LARS2: variants seen among roughly 807,000 people sequenced by gnomAD.
LARS2 encodes the protein leucine--tRNA ligase, mitochondrial.
LARS2 carries 81 observed loss-of-function variants against 116.6 expected under a neutral mutation model. The ratio of observed to expected loss-of-function variants is 0.69; its 90% CI spans 0.58 to 0.84. The LOEUF is 0.84. LARS2 is among the 40% of genes least tolerant of loss of function. LARS2 has a pLI of 0.00. For missense variants in LARS2, 968 were observed against 1,114.5 expected, an observed-to-expected ratio of 0.87 and a Z score of 1.87; for synonymous variants, 396 against 407.2, an observed-to-expected ratio of 0.97 and a Z score of 0.33.
At chr3:45,510,257 A>G (rs1420644222) in intron 15 of LARS2, among the ~76,000 whole-genome samples, 1 of 152,032 alleles carries the variant, frequency 6.6e-6, no homozygotes, top group African/African-American at 2.4e-5. Flanking sequence ...TACCAAAAAT[A>G]CAAAAAATTA....
At chr3:45,481,765 A>G (rs1699707107) in intron 10 of LARS2, among the ~76,000 whole-genome samples, 1 of 152,062 alleles carries the variant, frequency 6.6e-6, no homozygotes, top group African/African-American at 2.4e-5. Flanking sequence ...GTCTCTTATC[A>G]GATACGTAAT....
chr3:45,528,044 G>A (rs1297317060), intron 20 of LARS2, among the ~76,000 whole-genome samples: 1 of 152,174 alleles, frequency 6.6e-6, no homozygotes, highest in East Asian at 1.9e-4. Flanking sequence ...GATCATTGCA[G>A]TGGATATGGT....
chr3:45,510,697 G>C (rs1297968016), intron 15 of LARS2, among the ~76,000 whole-genome samples: 3 of 152,184 alleles, frequency 2.0e-5, no homozygotes, highest in East Asian at 3.8e-4. Context: ...AAGAGCAGAG[G>C]GAGTGGCAGG....
Position 45,491,709 on chromosome 3 carries a change from C to T in LARS2, c.1432C>T (p.Pro478Ser), listed in dbSNP as rs866983077. Residue 478 changes from proline to serine, a missense_variant, in exon 13 of 22, where the codon CCT (proline) becomes TCT (serine). By Grantham distance (74) the Pro-to-Ser change is moderately conservative. Transcript: ENST00000645846. ...GPTPVPLEDLPVTLPNIASFT... is the reference protein window; with the variant it reads ...GPTPVPLEDLSVTLPNIASFT... ...CACACCTGTGCCCCTGGAGGACTTGCCTGTGACCCTGCCCAACATCGCGTC... is the reference window on the plus strand; with the variant it reads ...CACACCTGTGCCCCTGGAGGACTTGTCTGTGACCCTGCCCAACATCGCGTC... The T allele has an allele frequency of 6.2e-7, 1 of 1,614,064 alleles. No homozygotes were observed. Among genetic ancestry groups the T allele is most frequent in the Non-Finnish European group, 8.5e-7 (1 of 1,179,900 alleles).
At chr3:45,443,911 CAA>C (rs1698960992) in intron 6 of LARS2, among the ~76,000 whole-genome samples, 6 of 152,074 alleles carry the variant, frequency 3.9e-5, no homozygotes, top group Admixed American at 3.3e-4. Flanking sequence ...CTGACACTTC[CAA>C]AGAGAATGCC....
chr3:45,517,835 A>T, intron 17 of LARS2, 68 bp from the exon 18 acceptor site: 1 of 1,284,602 alleles, frequency 7.8e-7, no homozygotes, highest in Non-Finnish European at 1.1e-6. Context: ...TTCTCTGCTT[A>T]GTTATACCAA....
chr3:45,400,678 A>G (rs1276569021), intron 4 of LARS2, among the ~76,000 whole-genome samples: 1 of 152,250 alleles, frequency 6.6e-6, no homozygotes, highest in African/African-American at 2.4e-5. Flanking sequence ...ATACTCACCC[A>G]TGAGTAGAGA....
chr3:45,484,630 A>AAAAT (rs1553634443), intron 10 of LARS2, among the ~76,000 whole-genome samples: 28 of 9,730 alleles, frequency 2.9e-3, no homozygotes, highest in African/African-American at 4.1e-3. Flanking sequence ...AAAAAAAAAA[A>AAAAT]ATATATATAT....
chr3:45,466,874 G>A (rs1291702773), intron 8 of LARS2, among the ~76,000 whole-genome samples: 1 of 152,106 alleles, frequency 6.6e-6, no homozygotes, highest in Non-Finnish European at 1.5e-5. Context: ...CTGCCACCAT[G>A]CCCGGCTAAT....
At chr3:45,493,121 A>G (rs1252808061) in intron 13 of LARS2, among the ~76,000 whole-genome samples, 1 of 149,666 alleles carries the variant, frequency 6.7e-6, no homozygotes, top group Admixed American at 6.6e-5. Context: ...TTTTTTTGAG[A>G]TGGAGTCTCG....
intron 4 of LARS2, among the ~76,000 whole-genome samples, chr3:45,405,144 G>T (rs1698214193): frequency 6.6e-6 from 1 of 151,260 alleles, no homozygotes; most frequent in Admixed American, 6.6e-5. Context: ...ATACAAGATG[G>T]GGTCTCACTA....
intron 12 of LARS2, 75 bp from the exon 13 acceptor site, chr3:45,491,442 A>G: frequency 6.7e-7 from 1 of 1,497,610 alleles, no homozygotes; most frequent in Admixed American, 1.7e-5. Flanking sequence ...TAAACATGGC[A>G]GGACTGGTGG....
rs777455679 is a variant in LARS2 at position 45,419,720 on chromosome 3, C to T, written c.507C>T (p.Ser169=). 1.4e-5 allele frequency: 23 copies of T among 1,612,990 alleles called. No individual in the cohort carries two copies. The East Asian group carries it at 5.1e-4, about 36-fold the overall frequency. The stretch of plus-strand genomic sequence containing the variant: ...TTGATCGTCTGGGCCTGTGTTTCAG[C>T]TGGGATAGGGTAAGTCAACTCTTTT... ...KQLDRLGLCF[S]WDREITTCLP... is the part of the protein sequence containing the mutation. The change falls in exon 6 of 22, where the codon AGC becomes AGT. Residue 169 remains serine, a synonymous_variant. Coordinates refer to ENST00000645846, the MANE Select transcript of LARS2 (RefSeq NM_015340.4).
At chr3:45,469,825 C>A (rs1453045098) in intron 8 of LARS2, among the ~76,000 whole-genome samples, 2 of 151,844 alleles carry the variant, frequency 1.3e-5, no homozygotes, top group Non-Finnish European at 2.9e-5. Flanking sequence ...CCTCCCCCCC[C>A]ACCAAAAAAA....
rs1698407928 is a variant in LARS2 at position 45,415,866 on chromosome 3, T to TATAC, written c.364-1613_364-1612insCATA. 2.6e-5 allele frequency among the ~76,000 whole-genome samples: 3 copies of TATAC among 114,852 alleles called. No homozygotes were observed. The South Asian group carries it at 7.5e-4, about 29-fold the overall frequency. The allele number at this position is 114,852 out of a possible 152,430, so 75.3% of individuals were successfully genotyped here. ...CCATCTCAAAAAAAAAAAAAATATA[T>TATAC]ATATATATATAGAGAGAGAGAGAGA... On this transcript the variant is annotated intron_variant, in intron 4 of 21. Transcript: ENST00000645846.
chr3:45,394,218 A>G (rs1698006125), intron 2 of LARS2, among the ~76,000 whole-genome samples: 1 of 152,202 alleles, frequency 6.6e-6, no homozygotes. Context: ...GGATTTTTGC[A>G]TCTTTGATGT....
chr3:45,540,028 C>T (rs768988947), intron 20 of LARS2, among the ~76,000 whole-genome samples: 71 of 152,182 alleles, frequency 4.7e-4, no homozygotes, highest in Admixed American at 1.2e-3. Flanking sequence ...CCCAGTGCTT[C>T]GGGTGCATCA....
At position 45,476,627 on chromosome 3, in the gene LARS2, G is replaced by A. The variant is rs1156334699; in HGVS notation, c.1018G>A (p.Asp340Asn). ...ALRMALVPGK[D>N]CLTPVMAVNM... ...GAGGATGGCCCTTGTCCCTGGCAAA[G>A]GTGAGCTGGCAAGTTAACGGCTCAG... Residue 340 changes from aspartate to asparagine, a missense_variant and splice_region_variant, in exon 10 of 22, where the codon GAT (aspartate) becomes AAT (asparagine). Asp to Asn is a conservative substitution (Grantham distance 23, BLOSUM62 1). Transcript: ENST00000645846. 9.3e-6 allele frequency: 15 copies of A among 1,613,860 alleles called. No individual in the cohort carries two copies. Among genetic ancestry groups the A allele is most frequent in the Non-Finnish European group, 1.2e-5 (14 of 1,179,904 alleles).
At chr3:45,521,395 G>A (rs185439951) in intron 19 of LARS2, among the ~76,000 whole-genome samples, 15 of 152,214 alleles carry the variant, frequency 9.9e-5, no homozygotes, top group South Asian at 4.1e-4. Flanking sequence ...CGAGAGGATC[G>A]CTTGAACCCA....
Sources: gnomAD v4.1 joint callset for allele counts (sites outside exome capture counted in the v4.1 genomes callset) on GRCh38, gnomAD v4.1.1 for gene constraint, MANE v1.5 for transcripts, NCBI Gene and HGNC (gene_info 2026-07-23, HGNC 2026-07-21) for gene names.